Variants in SEC24D observed in about 807,000 individuals in gnomAD.
SEC24D encodes protein transport protein Sec24D.
A neutral mutation model predicts 116.9 loss-of-function variants in SEC24D; 69 were observed. The observed-to-expected ratio is 0.59, with a 90% CI of 0.49 to 0.72. The LOEUF is 0.72. Among genes scored for constraint, SEC24D ranks in the 30% least tolerant of loss-of-function variants. SEC24D has a pLI of 0.00. For synonymous variants in SEC24D, 405 were observed against 442.8 expected, an observed-to-expected ratio of 0.91 and a Z score of 1.07; for missense variants, 1,131 against 1,264.1, an observed-to-expected ratio of 0.89 and a Z score of 1.60.
In SEC24D at chr4:118,761,306, T is replaced by A. The variant is rs965336684; in HGVS notation, c.1297-3461A>T. Among the ~76,000 whole-genome samples, 5 of 152,188 alleles carry A rather than the reference T, an allele frequency of 3.3e-5. No homozygotes were observed. In the South Asian group the frequency reaches 6.2e-4, roughly 19 times the overall value. On this transcript the variant is annotated intron_variant, in intron 10 of 22. Transcript: ENST00000280551. ...TGCATGGATGAATGAATGGAACAAC[T>A]CCACCTTCACCTTTAATTGTCCTCA...
rs1731022885 is a variant in SEC24D, at chr4:118,834,844, A to AT, written c.-42+1096dup. Among the ~76,000 whole-genome samples, 4 of 152,228 alleles carry AT rather than the reference A, an allele frequency of 2.6e-5. No homozygotes were observed. In the South Asian group the frequency reaches 8.3e-4, roughly 31 times the overall value. On this transcript the variant is annotated intron_variant, in intron 1 of 22. Coordinates refer to ENST00000280551, the MANE Select transcript of SEC24D (RefSeq NM_014822.4). The stretch of plus-strand genomic sequence containing the variant: ...TACAATTTAAGATAAGAGATCAGTG[A>AT]TACCTGCTAAGACTTAGAATCTGTC...
intron 3 of SEC24D, among the ~76,000 whole-genome samples, chr4:118,822,991 C>T (rs993562883): frequency 2.0e-5 from 3 of 152,088 alleles, no homozygotes; most frequent in African/African-American, 7.2e-5. Context: ...TCCAGATCTT[C>T]TCCCCTTTAC....
intron 7 of SEC24D, among the ~76,000 whole-genome samples, chr4:118,804,585 G>GAA (rs532945780): frequency 1.4e-5 from 2 of 147,586 alleles, no homozygotes; most frequent in African/African-American, 2.5e-5. Flanking sequence ...CACAGTGATA[G>GAA]AAAAAAAAAA....
At chr4:118,727,232 A>T (rs1201838211) in intron 22 of SEC24D, among the ~76,000 whole-genome samples, 1 of 152,232 alleles carries the variant, frequency 6.6e-6, no homozygotes, top group Non-Finnish European at 1.5e-5. Flanking sequence ...GAACAGATGG[A>T]TACATTTGCA....
At chr4:118,787,369 T>C (rs1330735745) in intron 8 of SEC24D, among the ~76,000 whole-genome samples, 2 of 152,216 alleles carry the variant, frequency 1.3e-5, no homozygotes, top group Non-Finnish European at 2.9e-5. Flanking sequence ...CATTTAAAAA[T>C]AGATAATTTA....
At chr4:118,829,822 A>G (rs562409032) in intron 2 of SEC24D, among the ~76,000 whole-genome samples, 5 of 152,356 alleles carry the variant, frequency 3.3e-5, no homozygotes, top group African/African-American at 1.2e-4. Flanking sequence ...CAAAAAAAAA[A>G]AAGTGTTAGT....
At chr4:118,771,629 G>A (rs772102703) in intron 8 of SEC24D, among the ~76,000 whole-genome samples, 1 of 151,590 alleles carries the variant, frequency 6.6e-6, no homozygotes, top group South Asian at 2.1e-4. Flanking sequence ...TCTACGAAAT[G>A]AGACTTAGTA....
intron 19 of SEC24D, among the ~76,000 whole-genome samples, chr4:118,737,466 T>TC (rs1280906171): frequency 6.6e-6 from 1 of 152,236 alleles, no homozygotes; most frequent in Non-Finnish European, 1.5e-5. Flanking sequence ...GCATTATCTT[T>TC]CCTGCTGAGG....
chr4:118,811,458 T>C (rs555906132), intron 6 of SEC24D, among the ~76,000 whole-genome samples: 2 of 152,350 alleles, frequency 1.3e-5, no homozygotes, highest in African/African-American at 4.8e-5. Context: ...GCTATGAAAG[T>C]ATTTTAAAAG....
At position 118,833,594 on chromosome 4, in the gene SEC24D, T is replaced by A; in HGVS notation, c.103A>T (p.Thr35Ser). 1.2e-6 allele frequency: 2 copies of A among 1,611,924 alleles called. No individual in the cohort carries two copies. The highest frequency in any genetic ancestry group is 1.7e-6 in the Non-Finnish European group (2 of 1,178,068). Residue 35 changes from threonine to serine, a missense_variant, in exon 2 of 23, where the codon ACA becomes TCA. Physicochemically the swap from Thr to Ser is moderately conservative, Grantham distance 58. Coordinates refer to ENST00000280551, the MANE Select transcript of SEC24D (RefSeq NM_014822.4). Reference protein sequence around the residue: ...HYGHYGDPSHTASPTGMMKPA... With the variant: ...HYGHYGDPSHSASPTGMMKPA... ...CACACTGTACCTGTTGGAGATGCTG[T>A]GTGCGACGGATCCCCATAGTGCCCA... is the stretch of plus-strand genomic sequence containing the variant.
intron 8 of SEC24D, among the ~76,000 whole-genome samples, chr4:118,788,126 T>C (rs1301944823): frequency 6.6e-6 from 1 of 152,236 alleles, no homozygotes; most frequent in African/African-American, 2.4e-5. Context: ...GCCATGTGTT[T>C]CTTTTTAAAT....
intron 13 of SEC24D, among the ~76,000 whole-genome samples, chr4:118,749,094 T>C (rs1373601952): frequency 6.6e-6 from 1 of 152,156 alleles, no homozygotes; most frequent in African/African-American, 2.4e-5. Flanking sequence ...AACTGTTCTT[T>C]GGCCAAGTTA....
chr4:118,757,800 C>T lies in SEC24D; in HGVS notation c.1342G>A (p.Val448Ile). 29 of 1,611,894 alleles carry T rather than the reference C, an allele frequency of 1.8e-5. No individual in the cohort carries two copies. The highest frequency in any genetic ancestry group is 2.5e-5 in the Non-Finnish European group (29 of 1,178,798). ...CCATTCTTTATGTTACTATATGAAA[C>T]ATCAATCATGAAGATAAAGGCTGGT... The part of the protein sequence containing the change: ...NPPAFIFMID[V>I]SYSNIKNGLV... Residue 448 changes from valine (V) to isoleucine (I), a missense_variant, in exon 11 of 23, where the codon GTT (valine) becomes ATT (isoleucine). Transcript: ENST00000280551.
chr4:118,745,084 A>G, intron 13 of SEC24D, 24 bp from the exon 14 acceptor site: 1 of 1,340,914 alleles, frequency 7.5e-7, no homozygotes, highest in Non-Finnish European at 1.0e-6. Flanking sequence ...AAAACCCAAA[A>G]ACCCACAGAA....
chr4:118,733,967 A>G (rs1207632361), intron 19 of SEC24D, among the ~76,000 whole-genome samples: 1 of 151,848 alleles, frequency 6.6e-6, no homozygotes. Flanking sequence ...AATTCTAGGA[A>G]CACAACCTGA....
chr4:118,728,774 C>T (rs1725535758), intron 21 of SEC24D, 124 bp from the exon 22 acceptor site: 1 of 549,044 alleles, frequency 1.8e-6, no homozygotes, highest in Non-Finnish European at 3.1e-6. Context: ...TAGTTCATTA[C>T]CTGAAAACCA....
At chr4:118,797,494 A>G (rs1286477218) in intron 8 of SEC24D, among the ~76,000 whole-genome samples, 189 bp downstream of exon 8, 1 of 152,248 alleles carries the variant, frequency 6.6e-6, no homozygotes, top group African/African-American at 2.4e-5. Flanking sequence ...TTTGGTGTAC[A>G]GGATGCCAAA....
At chr4:118,763,083 T>C (rs1727465724) in intron 10 of SEC24D, among the ~76,000 whole-genome samples, 1 of 152,234 alleles carries the variant, frequency 6.6e-6, no homozygotes, top group South Asian at 2.1e-4. Flanking sequence ...AATGTTTGCA[T>C]GTTGCCCAAT....
intron 8 of SEC24D, among the ~76,000 whole-genome samples, chr4:118,789,210 G>C (rs1015890488): frequency 6.6e-6 from 1 of 152,162 alleles, no homozygotes; most frequent in African/African-American, 2.4e-5. Context: ...ATAAAAGTGG[G>C]ATTACACCTA....
Sources: allele counts gnomAD v4.1 joint callset (sites outside exome capture counted in the v4.1 genomes callset), GRCh38; gene constraint gnomAD v4.1.1; transcripts MANE v1.5; gene names NCBI Gene and HGNC (gene_info 2026-07-23, HGNC 2026-07-21).